The following TMEM272 variants were observed in gnomAD, a reference collection of about 807,000 sequenced individuals.
The protein encoded by TMEM272 is transmembrane protein 272.
TMEM272 carries 8 observed loss-of-function variants against 3.7 expected under a neutral mutation model. That is an observed-to-expected ratio of 2.17 (90% CI 1.27 to 3.91). The LOEUF is 3.91. Ranked by LOEUF, TMEM272 falls within the 30% of genes most tolerant of loss-of-function variation. The pLI, the probability that TMEM272 is intolerant of heterozygous loss-of-function variation, is 0.00. For synonymous variants in TMEM272, 63 were observed against 39.8 expected (o/e 1.58, Z -2.20); for missense variants, 166 against 91.5 (o/e 1.81, Z -3.32).
upstream of TMEM272, among the ~76,000 whole-genome samples, chr13:51,847,436 A>ACCTTCC (rs1422795168): frequency 6.6e-6 from 1 of 152,104 alleles, no homozygotes; most frequent in Non-Finnish European, 1.5e-5. Flanking sequence ...TCATGCCAAA[A>ACCTTCC]CCTTCCCCAT....
intron 2 of TMEM272, among the ~76,000 whole-genome samples, chr13:51,828,681 C>G (rs112509323): frequency 6.6e-6 from 1 of 152,148 alleles, no homozygotes; most frequent in Non-Finnish European, 1.5e-5. Flanking sequence ...AAATTTCTCT[C>G]GAAATCGTGT....
At chr13:51,927,706 T>A in the TMEM272 span, among the ~76,000 whole-genome samples, 1 of 152,172 alleles carries the variant, frequency 6.6e-6, no homozygotes, top group South Asian at 2.1e-4. Flanking sequence ...AATAAATATT[T>A]TCCAGGAGCC....
chr13:51,817,613 C>G (rs560838600), intron 4 of TMEM272, among the ~76,000 whole-genome samples: 3 of 152,178 alleles, frequency 2.0e-5, no homozygotes, highest in Non-Finnish European at 1.5e-5. Flanking sequence ...ATCCAGGTAC[C>G]GTGAGCCGTT....
chr13:51,917,267 A>T, the TMEM272 span, among the ~76,000 whole-genome samples: 20 of 152,088 alleles, frequency 1.3e-4, no homozygotes, highest in Non-Finnish European at 1.5e-4. Flanking sequence ...GTTGGTGGGG[A>T]TGTGATGCTG....
intron 2 of TMEM272, among the ~76,000 whole-genome samples, chr13:51,834,006 T>C (rs1956194596): frequency 6.6e-6 from 1 of 152,086 alleles, no homozygotes; most frequent in Non-Finnish European, 1.5e-5. Context: ...CCAAAAGGAA[T>C]TGCTACTAGA....
the TMEM272 span, among the ~76,000 whole-genome samples, chr13:51,866,639 C>T: frequency 2.0e-5 from 3 of 152,242 alleles, no homozygotes; most frequent in African/African-American, 7.2e-5. Flanking sequence ...GTACGACCCA[C>T]TCACTGGTAG....
At chr13:51,894,083 C>T in the TMEM272 span, among the ~76,000 whole-genome samples, 3 of 152,214 alleles carry the variant, frequency 2.0e-5, no homozygotes, top group Non-Finnish European at 4.4e-5. Context: ...ACACCCCCTG[C>T]ATTGAAGAAC....
chr13:51,861,480 A>G, the TMEM272 span, among the ~76,000 whole-genome samples: 2 of 152,198 alleles, frequency 1.3e-5, no homozygotes, highest in Non-Finnish European at 2.9e-5. Context: ...GAGGGATTCA[A>G]CAGCATATTT....
chr13:51,904,217 G>A, the TMEM272 span, among the ~76,000 whole-genome samples: 1 of 152,052 alleles, frequency 6.6e-6, no homozygotes, highest in African/African-American at 2.4e-5. Flanking sequence ...TATTAATGAT[G>A]ATGATGATGA....
the TMEM272 span, among the ~76,000 whole-genome samples, chr13:51,869,687 G>A: frequency 1.4e-4 from 22 of 151,804 alleles, no homozygotes; most frequent in Admixed American, 1.2e-3. Flanking sequence ...ACGGGGTTTC[G>A]CCATGTTGTC....
At chr13:51,826,671 C>A (rs1172573504) in intron 2 of TMEM272, 46 bp from the exon 3 acceptor site, 2 of 701,936 alleles carry the variant, frequency 2.8e-6, no homozygotes, top group South Asian at 1.5e-5. Flanking sequence ...AACACACAGA[C>A]CCCTGCATTT....
At chr13:51,930,092 C>T in the TMEM272 span, among the ~76,000 whole-genome samples, 6 of 151,152 alleles carry the variant, frequency 4.0e-5, no homozygotes, top group Admixed American at 4.0e-4. Context: ...TGTTCACTGG[C>T]TTTCCTTTTG....
At chr13:51,845,592 C>T (rs1164304415), upstream of TMEM272, among the ~76,000 whole-genome samples, 1 of 152,162 alleles carries the variant, frequency 6.6e-6, no homozygotes, top group Non-Finnish European at 1.5e-5. Flanking sequence ...TCATTGCAGA[C>T]GGCCAGATCT....
chr13:51,866,561 C>T, the TMEM272 span, among the ~76,000 whole-genome samples: 1 of 152,292 alleles, frequency 6.6e-6, no homozygotes, highest in African/African-American at 2.4e-5. Context: ...GGCCTCTGTG[C>T]TGTTAATTCT....
the TMEM272 span, among the ~76,000 whole-genome samples, chr13:51,853,565 G>C: frequency 2.0e-5 from 3 of 152,216 alleles, no homozygotes; most frequent in African/African-American, 7.2e-5. Context: ...AGGGGTGACA[G>C]AGGCCAAAGA....
At chr13:51,888,644 T>C in the TMEM272 span, among the ~76,000 whole-genome samples, 1 of 102,914 alleles carries the variant, frequency 9.7e-6, no homozygotes. Context: ...TTTTTCTTTT[T>C]TTTTTTTTTT....
the TMEM272 span, among the ~76,000 whole-genome samples, chr13:51,889,109 G>A: frequency 3.3e-5 from 5 of 152,202 alleles, no homozygotes; most frequent in East Asian, 3.9e-4. Flanking sequence ...ACACATTTTC[G>A]TTATTACTGG....
At chr13:51,872,571 G>A in the TMEM272 span, among the ~76,000 whole-genome samples, 1 of 152,136 alleles carries the variant, frequency 6.6e-6, no homozygotes, top group Non-Finnish European at 1.5e-5. Context: ...CCAGAAGAGT[G>A]GATGAAAACA....
At chr13:51,860,685 C>T in the TMEM272 span, among the ~76,000 whole-genome samples, 1 of 147,846 alleles carries the variant, frequency 6.8e-6, no homozygotes, top group African/African-American at 2.5e-5. Context: ...AAAACTATGC[C>T]TTACCAAAAA....
Sources: gnomAD v4.1 joint callset for allele counts (sites outside exome capture counted in the v4.1 genomes callset) on GRCh38, gnomAD v4.1.1 for gene constraint, MANE v1.5 for transcripts, NCBI Gene and HGNC (gene_info 2026-07-23, HGNC 2026-07-21) for gene names.